Variants in RYR3 observed in about 807,000 individuals in gnomAD.
RYR3 encodes brain ryanodine receptor-calcium release channel.
Under a neutral mutation model 584.3 loss-of-function variants are expected in RYR3, and 207 were observed. The observed-to-expected ratio is 0.35, with a 90% CI of 0.32 to 0.40. RYR3 has a LOEUF of 0.40. Ranked by LOEUF, RYR3 falls within the 10% of genes least tolerant of loss-of-function variation. The pLI, the probability that RYR3 is intolerant of heterozygous loss-of-function variation, is 1.00. For synonymous variants in RYR3, 2,416 were observed against 2,248.5 expected (o/e 1.07, Z -2.11); for missense variants, 5,616 against 6,089.2 (o/e 0.92, Z 2.59).
At chr15:33,721,961 G>C (rs2067964631) in intron 43 of RYR3, among the ~76,000 whole-genome samples, 1 of 152,098 alleles carries the variant, frequency 6.6e-6, no homozygotes, top group African/African-American at 2.4e-5. Flanking sequence ...TCTAACCTCT[G>C]CCTTCCCACA....
At chr15:33,451,288 G>A (rs1253623236) in intron 1 of RYR3, among the ~76,000 whole-genome samples, 3 of 152,148 alleles carry the variant, frequency 2.0e-5, no homozygotes, top group East Asian at 3.9e-4. Context: ...CGGGCACCCT[G>A]TTCTGCTCCT....
intron 1 of RYR3, 161 bp from the exon 2 acceptor site, chr15:33,473,258 T>C: frequency 2.4e-6 from 2 of 851,024 alleles, no homozygotes; most frequent in Non-Finnish European, 4.0e-6. Flanking sequence ...TGATGTCCTG[T>C]GAATAAAAAA....
intron 10 of RYR3, among the ~76,000 whole-genome samples, chr15:33,555,944 GAT>G (rs1456543719): frequency 1.3e-5 from 2 of 152,182 alleles, no homozygotes; most frequent in African/African-American, 4.8e-5. Flanking sequence ...GCAATACGAA[GAT>G]CTCAAATTCT....
intron 39 of RYR3, among the ~76,000 whole-genome samples, chr15:33,696,772 G>A (rs2065888542): frequency 6.6e-6 from 1 of 152,134 alleles, no homozygotes; most frequent in South Asian, 2.1e-4. Context: ...ACATCTGGAG[G>A]AAGGGACGGT....
At chr15:33,427,938 A>C (rs2044783819) in intron 1 of RYR3, among the ~76,000 whole-genome samples, 1 of 152,234 alleles carries the variant, frequency 6.6e-6, no homozygotes, top group Non-Finnish European at 1.5e-5. Context: ...TGTGGGAACT[A>C]CTATCTTGCT....
At chr15:33,401,119 C>CT (rs1375753895) in intron 1 of RYR3, among the ~76,000 whole-genome samples, 1 of 152,142 alleles carries the variant, frequency 6.6e-6, no homozygotes, top group African/African-American at 2.4e-5. Context: ...AAGTGTCCCC[C>CT]TTGAGAGTGT....
chr15:33,429,675 AG>A (rs1179762149), intron 1 of RYR3, among the ~76,000 whole-genome samples: 1 of 152,230 alleles, frequency 6.6e-6, no homozygotes, highest in Admixed American at 6.5e-5. Context: ...CACTATTTTG[AG>A]AAGACTTCTT....
At position 33,807,129 on chromosome 15, in the gene RYR3, G is replaced by A. The variant is rs565830538; in HGVS notation, c.10012-426G>A. On this transcript the variant is annotated intron_variant, in intron 69 of 103. Coordinates refer to ENST00000634891, the MANE Select transcript of RYR3 (RefSeq NM_001036.6). The stretch of plus-strand genomic sequence containing the variant: ...CTCTGTAGCCACAGATGTTGCTAAT[G>A]TGGTGGGTAGAAGGAAGAAAGAAAA... Among the ~76,000 whole-genome samples, 5 of 152,224 alleles carry A rather than the reference G, an allele frequency of 3.3e-5. No homozygotes were observed. In the South Asian group the frequency reaches 1.0e-3, roughly 32 times the overall value.
chr15:33,768,959 G>T (rs2073336906), intron 61 of RYR3, among the ~76,000 whole-genome samples, 153 bp from the exon 62 acceptor site: 1 of 152,208 alleles, frequency 6.6e-6, no homozygotes, highest in Non-Finnish European at 1.5e-5. Context: ...TGTCAGGCTA[G>T]AAATTAATGC....
chr15:33,732,959 G>A (rs1488559666), intron 48 of RYR3, among the ~76,000 whole-genome samples: 3 of 152,164 alleles, frequency 2.0e-5, no homozygotes, highest in Non-Finnish European at 2.9e-5. Context: ...GCATTGGGGA[G>A]CTAGGGCTAC....
Position 33,768,651 on chromosome 15 carries a change from G to A in RYR3, c.8706-7G>A. 1 of 1,613,800 alleles carries A rather than the reference G, an allele frequency of 6.2e-7. No individual in the cohort carries two copies. The highest frequency in any genetic ancestry group is 8.5e-7 in the Non-Finnish European group (1 of 1,179,730). Reference sequence around the variant, plus strand: ...GACTTTCTGAATTGCTTTCTTTTCTGCTTCAGCCTGTTCTGCAAACTTGCC... The same window carrying A: ...GACTTTCTGAATTGCTTTCTTTTCTACTTCAGCCTGTTCTGCAAACTTGCC... On this transcript the variant is annotated splice_region_variant and splice_polypyrimidine_tract_variant and intron_variant, in intron 60 of 103. Transcript: ENST00000634891.
chr15:33,542,478 A>G (rs2141165724), intron 7 of RYR3, among the ~76,000 whole-genome samples: 1 of 152,240 alleles, frequency 6.6e-6, no homozygotes, highest in Non-Finnish European at 1.5e-5. Context: ...AATGCAAAGG[A>G]GGTTATAACT....
intron 11 of RYR3, among the ~76,000 whole-genome samples, chr15:33,566,027 G>T (rs928013826): frequency 6.6e-6 from 1 of 152,190 alleles, no homozygotes; most frequent in African/African-American, 2.4e-5. Flanking sequence ...TGCAGATGGT[G>T]AAATCCAAAG....
intron 38 of RYR3, among the ~76,000 whole-genome samples, chr15:33,693,752 T>TA (rs2065623293): frequency 6.6e-6 from 1 of 152,184 alleles, no homozygotes; most frequent in Admixed American, 6.5e-5. Flanking sequence ...TAGTTGAAGT[T>TA]ATGAAGAATG....
At chr15:33,504,173 T>C (rs959478577) in intron 3 of RYR3, among the ~76,000 whole-genome samples, 1 of 152,202 alleles carries the variant, frequency 6.6e-6, no homozygotes, top group African/African-American at 2.4e-5. Flanking sequence ...TCCTACAGAA[T>C]TATGAGTCTT....
intron 1 of RYR3, among the ~76,000 whole-genome samples, chr15:33,458,458 C>T (rs2047743508): frequency 6.6e-6 from 1 of 152,168 alleles, no homozygotes. Flanking sequence ...GAGGCCACGT[C>T]GTGGGACTTC....
chr15:33,382,623 A>C (rs2041284523), intron 1 of RYR3, among the ~76,000 whole-genome samples: 1 of 152,142 alleles, frequency 6.6e-6, no homozygotes, highest in South Asian at 2.1e-4. Context: ...TGCCCACCCC[A>C]AAAAATGACA....
chr15:33,753,603 T>C (rs1370453439), intron 57 of RYR3, among the ~76,000 whole-genome samples: 1 of 152,206 alleles, frequency 6.6e-6, no homozygotes, highest in Non-Finnish European at 1.5e-5. Context: ...AGCAAGCTGC[T>C]GTTTCTTCTA....
chr15:33,614,420 G>A (rs904948860), intron 19 of RYR3, among the ~76,000 whole-genome samples: 5 of 151,982 alleles, frequency 3.3e-5, no homozygotes, highest in African/African-American at 1.2e-4. Context: ...CAACATATGG[G>A]AATGTCCAAC....
Sources: gnomAD v4.1 joint callset for allele counts (sites outside exome capture counted in the v4.1 genomes callset) on GRCh38, gnomAD v4.1.1 for gene constraint, MANE v1.5 for transcripts, NCBI Gene and HGNC (gene_info 2026-07-23, HGNC 2026-07-21) for gene names.